Variants in PTPN3 observed in about 807,000 individuals in gnomAD.
PTPN3 encodes the protein tyrosine-protein phosphatase non-receptor type 3.
PTPN3 carries 96 observed loss-of-function variants against 132.7 expected under a neutral mutation model. The ratio of observed to expected loss-of-function variants is 0.72; its 90% CI spans 0.61 to 0.86. PTPN3 has a LOEUF of 0.86. Among genes scored for constraint, PTPN3 ranks in the 40% least tolerant of loss-of-function variants. PTPN3 has a pLI of 0.00. For missense variants in PTPN3, 1,125 were observed against 1,159.6 expected (o/e 0.97, Z 0.43); for synonymous variants, 398 against 429.0 (o/e 0.93, Z 0.89).
Position 109,382,350 on chromosome 9 carries a change from T to G in PTPN3, c.2480A>C (p.Tyr827Ser). Residue 827 changes from tyrosine to serine, a missense_variant, in exon 24 of 26, where the codon TAT becomes TCT. Tyr to Ser is a moderately radical substitution (Grantham distance 144, BLOSUM62 -2). Coordinates refer to ENST00000374541, the MANE Select transcript of PTPN3 (RefSeq NM_002829.4). ...GCTGTCCACTCTCAGAGACCTCACA[T>G]AGTTTACAAATTCCAGAAAGTCGGA... ...DSSDFLEFVN[Y>S]VRSLRVDSEP... 2 of 1,614,024 alleles carry G rather than the reference T, an allele frequency of 1.2e-6. No homozygotes were observed. Among genetic ancestry groups the G allele is most frequent in the South Asian group, 1.1e-5 (1 of 91,060 alleles).
intron 17 of PTPN3, 51 bp from the exon 18 acceptor site, chr9:109,406,669 G>A (rs981627578): frequency 6.3e-7 from 1 of 1,599,820 alleles, no homozygotes; most frequent in Non-Finnish European, 8.6e-7. Context: ...CACAGTCCTT[G>A]GGGGAAGAAC....
the PTPN3 span, among the ~76,000 whole-genome samples, chr9:109,510,666 A>G: frequency 6.8e-6 from 1 of 148,002 alleles, no homozygotes; most frequent in African/African-American, 2.5e-5. Flanking sequence ...TATATAACTC[A>G]AAATTATTTT....
At position 109,410,146 on chromosome 9, in the gene PTPN3, A is replaced by T. The variant is rs13300581; in HGVS notation, c.1501-70T>A. ...CAGCAGTTGGTGATAAGATATTTTC[A>T]TTTAGTTAGAGCTACTCAGCTGCCC... is the stretch of plus-strand genomic sequence containing the variant. On this transcript the variant is annotated intron_variant, in intron 15 of 25. Coordinates refer to ENST00000374541, the MANE Select transcript of PTPN3 (RefSeq NM_002829.4). 50 of 1,613,302 alleles carry T rather than the reference A, an allele frequency of 3.1e-5. No homozygotes were observed. The South Asian group carries it at 4.0e-4, about 13-fold the overall frequency.
intron 1 of PTPN3, among the ~76,000 whole-genome samples, chr9:109,490,275 T>G (rs542756959): frequency 6.6e-6 from 1 of 152,304 alleles, no homozygotes; most frequent in Non-Finnish European, 1.5e-5. Context: ...ACCTGCTGAC[T>G]TTTCCCCTTG....
At chr9:109,461,083 T>C (rs1452784694) in intron 2 of PTPN3, among the ~76,000 whole-genome samples, 1 of 152,230 alleles carries the variant, frequency 6.6e-6, no homozygotes, top group Non-Finnish European at 1.5e-5. Context: ...ATCTGTGACC[T>C]TCATGGAGCT....
At chr9:109,501,763 C>T (rs531264950), upstream of PTPN3, among the ~76,000 whole-genome samples, 30 of 152,132 alleles carry the variant, frequency 2.0e-4, no homozygotes, top group Non-Finnish European at 3.5e-4. Flanking sequence ...CAGAGAGGAC[C>T]CACATAGATT....
the PTPN3 span, among the ~76,000 whole-genome samples, chr9:109,523,369 C>T: frequency 6.6e-6 from 1 of 152,182 alleles, no homozygotes. Flanking sequence ...CTGCCTTGGC[C>T]TCCCAAAGTG....
At chr9:109,417,924 T>C (rs943832843) in intron 14 of PTPN3, 2 of 336,136 alleles carry the variant, frequency 5.9e-6, no homozygotes, top group Admixed American at 1.3e-4. Flanking sequence ...CATTGTGCAA[T>C]GTATAGGAAC....
the PTPN3 span, among the ~76,000 whole-genome samples, chr9:109,537,063 A>G: frequency 6.6e-6 from 1 of 152,084 alleles, no homozygotes; most frequent in Non-Finnish European, 1.5e-5. Context: ...GGACCTTGGC[A>G]GGACTCCAAG....
intron 4 of PTPN3, 183 bp downstream of exon 4, chr9:109,456,990 G>C: frequency 1.6e-6 from 1 of 639,698 alleles, no homozygotes; most frequent in Non-Finnish European, 2.7e-6. Context: ...GATCCTAGAG[G>C]GCTGATCTGG....
Position 109,379,476 on chromosome 9 carries a change from T to C in PTPN3, c.*80A>G. The C allele has an allele frequency of 7.5e-7, 1 of 1,340,684 alleles. No homozygotes were observed. Among genetic ancestry groups the C allele is most frequent in the Non-Finnish European group, 1.1e-6 (1 of 936,728 alleles). The allele number at this position is 1,340,684 out of a possible 1,614,324, so 83.0% of individuals were successfully genotyped here. ...CTTTCCCACAGCTACTGGTTCCTCT[T>C]GCTGCTTCCAGAGAGGTCTGTCCTC... On this transcript the variant is annotated 3_prime_UTR_variant, in exon 26 of 26. Coordinates refer to ENST00000374541, the MANE Select transcript of PTPN3 (RefSeq NM_002829.4).
the PTPN3 span, chr9:109,532,941 T>TG: frequency 1.6e-6 from 1 of 618,242 alleles, no homozygotes; most frequent in African/African-American, 2.2e-5. Flanking sequence ...TTTTCTTTTC[T>TG]GGGTTTTTTT....
chr9:109,396,848 A>G lies in PTPN3; in HGVS notation c.1954-5287T>C, dbSNP rs182930254. Among the ~76,000 whole-genome samples the G allele has an allele frequency of 3.7e-3, 567 of 152,296 alleles. 2 individuals are homozygous for G. Among genetic ancestry groups the G allele is most frequent in the African/African-American group, 0.013 (542 of 41,552 alleles). On this transcript the variant is annotated intron_variant, in intron 19 of 25. Transcript: ENST00000374541. ...CTTAGAACAAGTCACCTACTATAAT[A>G]TTAGAGAAGGCATCAGGTGACTCTA...
chr9:109,448,897 A>G lies in PTPN3; in HGVS notation c.369-42T>C, dbSNP rs760300227. On this transcript the variant is annotated intron_variant, in intron 5 of 25. Transcript: ENST00000374541. ...TTCATTAATTCATACTCAAACTGAA[A>G]TAAGCAAAAAAAAAAAAAAAAGAAA... 1.1e-5 allele frequency: 17 copies of G among 1,547,558 alleles called. No homozygotes were observed. The African/African-American group carries it at 1.3e-4, about 12-fold the overall frequency.
the PTPN3 span, among the ~76,000 whole-genome samples, chr9:109,511,711 A>C: frequency 6.6e-6 from 1 of 152,294 alleles, no homozygotes; most frequent in Non-Finnish European, 1.5e-5. Flanking sequence ...TGAGGACGGG[A>C]AAAATCATTG....
the PTPN3 span, among the ~76,000 whole-genome samples, chr9:109,518,309 G>A: frequency 5.9e-5 from 9 of 152,212 alleles, no homozygotes; most frequent in Admixed American, 5.9e-4. Flanking sequence ...TTACAGAAAA[G>A]AACTCAGACA....
chr9:109,382,995 T>C (rs1839244159), intron 23 of PTPN3, among the ~76,000 whole-genome samples: 1 of 152,164 alleles, frequency 6.6e-6, no homozygotes, highest in Non-Finnish European at 1.5e-5. Context: ...CAACCACCGT[T>C]CTACTTTCTG....
intron 1 of PTPN3, among the ~76,000 whole-genome samples, chr9:109,495,874 C>T (rs918049637): frequency 1.3e-5 from 2 of 152,198 alleles, no homozygotes; most frequent in African/African-American, 4.8e-5. Flanking sequence ...GGCTTTTTCT[C>T]CTGCTCCAAG....
chr9:109,494,126 G>A (rs1386569406), intron 1 of PTPN3, among the ~76,000 whole-genome samples: 1 of 152,220 alleles, frequency 6.6e-6, no homozygotes, highest in East Asian at 1.9e-4. Context: ...CATGTACAGA[G>A]ATAAAGCAGA....
Sources: allele counts gnomAD v4.1 joint callset (sites outside exome capture counted in the v4.1 genomes callset), GRCh38; gene constraint gnomAD v4.1.1; transcripts MANE v1.5; gene names NCBI Gene and HGNC (gene_info 2026-07-23, HGNC 2026-07-21).